The following WDR72 variants were observed in gnomAD, a reference collection of about 807,000 sequenced individuals.
WDR72 encodes WD repeat-containing protein 72.
In WDR72, 120 loss-of-function variants were observed where a neutral mutation model predicts 124.2. The observed-to-expected ratio is 0.97, with a 90% CI of 0.83 to 1.12. The LOEUF (loss-of-function observed/expected upper bound fraction) is 1.12. WDR72 is among the 50% of genes most tolerant of loss of function. The pLI is 0.00. For missense variants in WDR72, 1,387 were observed against 1,278.8 expected (o/e 1.08, Z -1.29); for synonymous variants, 452 against 441.7 (o/e 1.02, Z -0.29).
intron 18 of WDR72, among the ~76,000 whole-genome samples, chr15:53,588,630 T>C (rs2012342123): frequency 6.6e-6 from 1 of 152,046 alleles, no homozygotes; most frequent in Non-Finnish European, 1.5e-5. Context: ...TAATTTTTCC[T>C]TCAGCCACCA....
chr15:53,689,914 T>G (rs1327027249), intron 13 of WDR72, among the ~76,000 whole-genome samples: 1 of 151,248 alleles, frequency 6.6e-6, no homozygotes, highest in African/African-American at 2.4e-5. Flanking sequence ...ATGTCCTTTG[T>G]AGGGACATGG....
intron 14 of WDR72, among the ~76,000 whole-genome samples, chr15:53,639,548 A>ATTTATTTATAAAATTATATATAAT (rs1566998329): frequency 5.3e-5 from 7 of 132,204 alleles, no homozygotes; most frequent in Non-Finnish European, 1.0e-4. Flanking sequence ...ATATAATTTT[A>ATTTATTTATAAAATTATATATAAT]TTTATTTATA....
chr15:53,681,513 A>T (rs535773702), intron 13 of WDR72, among the ~76,000 whole-genome samples: 1 of 152,194 alleles, frequency 6.6e-6, no homozygotes, highest in Non-Finnish European at 1.5e-5. Flanking sequence ...AACTCAATCC[A>T]AAAGTGTAAT....
chr15:53,514,996 T>C lies in WDR72; in HGVS notation c.*2703A>G, dbSNP rs1891353501. On this transcript the variant is annotated 3_prime_UTR_variant, in exon 20 of 20. Coordinates refer to ENST00000360509, the MANE Select transcript of WDR72 (RefSeq NM_182758.4). ...TGCAAATGAAAATATGATATTCCTTTGGGGGATATGCCATATATATATATA... is the reference window on the plus strand; with the variant it reads ...TGCAAATGAAAATATGATATTCCTTCGGGGGATATGCCATATATATATATA... 1 of 147,458 alleles carries C rather than the reference T, an allele frequency of 6.8e-6. No homozygotes were observed. The highest frequency in any genetic ancestry group is 1.5e-5 in the Non-Finnish European group (1 of 66,716). 9.1% of individuals were successfully genotyped at this position (147,458 alleles called of 1,614,324 possible). A position where few individuals can be genotyped will look rare whatever the true frequency, so the allele number is the denominator to read the frequency against.
intron 13 of WDR72, among the ~76,000 whole-genome samples, chr15:53,671,394 A>C (rs185655524): frequency 6.6e-6 from 1 of 152,266 alleles, no homozygotes; most frequent in African/African-American, 2.4e-5. Flanking sequence ...CAGCTTCTTC[A>C]CTTTATAGAA....
At chr15:53,538,769 C>G (rs554659714) in intron 18 of WDR72, among the ~76,000 whole-genome samples, 9 of 152,218 alleles carry the variant, frequency 5.9e-5, no homozygotes, top group South Asian at 2.1e-4. Context: ...CACCCCTAGA[C>G]ACACAGCAGA....
chr15:53,519,572 G>A (rs1174264055), intron 19 of WDR72, among the ~76,000 whole-genome samples: 1 of 152,060 alleles, frequency 6.6e-6, no homozygotes, highest in Non-Finnish European at 1.5e-5. Context: ...CTTTGCTAAT[G>A]AATTATTCCG....
At chr15:53,743,752 G>A (rs879302288) in intron 1 of WDR72, among the ~76,000 whole-genome samples, 11 of 151,964 alleles carry the variant, frequency 7.2e-5, no homozygotes, top group Non-Finnish European at 1.6e-4. Context: ...CGAGATGGGT[G>A]GATCACAAGG....
intron 2 of WDR72, among the ~76,000 whole-genome samples, chr15:53,732,147 T>G (rs2018219804): frequency 6.6e-6 from 1 of 152,234 alleles, no homozygotes; most frequent in Admixed American, 6.5e-5. Flanking sequence ...TGAGCTGGTC[T>G]GCAATGCAGT....
At chr15:53,601,953 A>C (rs574969166) in intron 17 of WDR72, among the ~76,000 whole-genome samples, 2 of 152,292 alleles carry the variant, frequency 1.3e-5, no homozygotes, top group South Asian at 4.1e-4. Flanking sequence ...AACATTAACA[A>C]AGCTATTCAG....
At chr15:53,598,760 C>T (rs1160829584) in intron 17 of WDR72, among the ~76,000 whole-genome samples, 8 of 152,184 alleles carry the variant, frequency 5.3e-5, no homozygotes, top group Non-Finnish European at 1.2e-4. Context: ...TGCATACTAA[C>T]ATGAGGTACT....
At chr15:53,653,669 C>A (rs2015319166) in intron 14 of WDR72, among the ~76,000 whole-genome samples, 1 of 152,086 alleles carries the variant, frequency 6.6e-6, no homozygotes, top group Non-Finnish European at 1.5e-5. Flanking sequence ...AATGCTCATT[C>A]TTAGTTTCTT....
intron 12 of WDR72, among the ~76,000 whole-genome samples, chr15:53,700,578 G>A (rs1375090671): frequency 6.6e-5 from 10 of 151,744 alleles, no homozygotes; most frequent in Non-Finnish European, 8.8e-5. Flanking sequence ...AACAGGTTAC[G>A]ACAATTACTA....
intron 18 of WDR72, among the ~76,000 whole-genome samples, chr15:53,529,870 A>G (rs1892355019): frequency 1.3e-5 from 2 of 151,974 alleles, no homozygotes; most frequent in African/African-American, 4.8e-5. Flanking sequence ...GGATGGAAGG[A>G]GTATTACAAA....
At chr15:53,518,611 T>G (rs543098279) in intron 19 of WDR72, among the ~76,000 whole-genome samples, 4 of 152,146 alleles carry the variant, frequency 2.6e-5, no homozygotes, top group African/African-American at 9.6e-5. Flanking sequence ...AAGAAGTGTG[T>G]TCTCAATGGC....
At chr15:53,692,406 C>A (rs2016872717) in intron 13 of WDR72, among the ~76,000 whole-genome samples, 1 of 152,104 alleles carries the variant, frequency 6.6e-6, no homozygotes, top group African/African-American at 2.4e-5. Flanking sequence ...CCTTAGTACA[C>A]ACTAGTACAG....
chr15:53,750,209 G>T (rs1179379034), intron 1 of WDR72, among the ~76,000 whole-genome samples: 1 of 152,140 alleles, frequency 6.6e-6, no homozygotes, highest in Non-Finnish European at 1.5e-5. Flanking sequence ...CTTGTTAGGG[G>T]CTAATGCAGC....
At chr15:53,638,908 C>A (rs183170449) in intron 14 of WDR72, among the ~76,000 whole-genome samples, 1 of 151,956 alleles carries the variant, frequency 6.6e-6, no homozygotes, top group African/African-American at 2.4e-5. Flanking sequence ...GAGGCAGAGG[C>A]AGGAGAATTG....
intron 18 of WDR72, among the ~76,000 whole-genome samples, chr15:53,559,818 A>G (rs975589476): frequency 6.6e-6 from 1 of 152,026 alleles, no homozygotes; most frequent in Non-Finnish European, 1.5e-5. Context: ...TCGACAGCTT[A>G]TTCATTGAGC....
Sources: gnomAD v4.1 joint callset for allele counts (sites outside exome capture counted in the v4.1 genomes callset) on GRCh38, gnomAD v4.1.1 for gene constraint, MANE v1.5 for transcripts, NCBI Gene and HGNC (gene_info 2026-07-23, HGNC 2026-07-21) for gene names.